Variants in ETS1 observed in about 807,000 individuals in gnomAD.
ETS1 encodes protein C-ets-1.
A neutral mutation model predicts 58.6 loss-of-function variants in ETS1; 15 were observed. The ratio of observed to expected loss-of-function variants is 0.26; its 90% CI spans 0.17 to 0.39. The LOEUF is 0.39. ETS1 is among the 10% of genes least tolerant of loss of function. The probability of loss-of-function intolerance (pLI) is 1.00; values close to 1 mark genes in which losing one functional copy is unlikely to be tolerated. For synonymous variants in ETS1, 214 were observed against 218.2 expected (o/e 0.98, Z 0.17); for missense variants, 417 against 610.5 (o/e 0.68, Z 3.34).
chr11:128,563,991 C>T (rs1370129197), intron 2 of ETS1, among the ~76,000 whole-genome samples: 12 of 152,184 alleles, frequency 7.9e-5, no homozygotes, highest in South Asian at 4.1e-4. Flanking sequence ...CCTCAGAAGA[C>T]GCTTTAGCAC....
At chr11:128,537,491 C>T (rs1185993708) in intron 3 of ETS1, among the ~76,000 whole-genome samples, 2 of 152,074 alleles carry the variant, frequency 1.3e-5, no homozygotes. Flanking sequence ...GGAATTAAAT[C>T]GCAGTTGGGA....
chr11:128,550,450 T>G (rs995133401), intron 3 of ETS1, among the ~76,000 whole-genome samples: 1 of 152,232 alleles, frequency 6.6e-6, no homozygotes, highest in African/African-American at 2.4e-5. Context: ...CAGTATCAGA[T>G]GAGCAAACTG....
chr11:128,488,544 C>G (rs1591609683), intron 5 of ETS1, among the ~76,000 whole-genome samples: 1 of 152,114 alleles, frequency 6.6e-6, no homozygotes, highest in East Asian at 1.9e-4. Flanking sequence ...GGCTTACAGT[C>G]AGCTGAAGGG....
At chr11:128,583,902 A>G (rs1281302245) in intron 1 of ETS1, among the ~76,000 whole-genome samples, 1 of 152,224 alleles carries the variant, frequency 6.6e-6, no homozygotes, top group Non-Finnish European at 1.5e-5. Context: ...GGCAGATCAG[A>G]AACATCCTTC....
intron 2 of ETS1, among the ~76,000 whole-genome samples, chr11:128,567,212 G>C (rs1430038866): frequency 6.6e-6 from 1 of 152,140 alleles, no homozygotes; most frequent in East Asian, 1.9e-4. Flanking sequence ...GACCCCCCAG[G>C]TACCCATGTC....
intron 3 of ETS1, among the ~76,000 whole-genome samples, chr11:128,529,280 T>C (rs977084629): frequency 1.3e-5 from 2 of 152,226 alleles, no homozygotes; most frequent in Non-Finnish European, 2.9e-5. Flanking sequence ...TTTTGAAATA[T>C]ATCTTCTGGC....
chr11:128,585,364 G>GAAGGAAGGAAGGAA, intron 1 of ETS1, among the ~76,000 whole-genome samples: 2 of 149,306 alleles, frequency 1.3e-5, no homozygotes, highest in African/African-American at 2.5e-5. Flanking sequence ...AGGAAGGAAG[G>GAAGGAAGGAAGGAA]GTCCCAGCTC....
intron 3 of ETS1, among the ~76,000 whole-genome samples, chr11:128,541,876 A>T (rs1037251631): frequency 7.9e-5 from 12 of 152,230 alleles, no homozygotes; most frequent in African/African-American, 2.7e-4. Flanking sequence ...ATTCACCAGT[A>T]TCATGGGAAC....
rs2230004 is a variant in ETS1 at position 128,463,608 on chromosome 11, T to C, written c.1143A>G (p.Leu381=). Residue 381 remains leucine (L), a synonymous_variant, in exon 9 of 10, where the codon CTA becomes CTG. Coordinates refer to ENST00000392668, the MANE Select transcript of ETS1 (RefSeq NM_001143820.2). The surrounding 1 kb of genome is among the most constrained non-coding windows in gnomAD (Gnocchi z 4.1). ...TGAGTAATTCCAGAAGAAACTGCCA[T>C]AGCTGGATTGGTCCACTGCCTAGAA... ...AGYTGSGPIQ[L]WQFLLELLTD... is the part of the protein sequence containing the mutation. 0.47 allele frequency: 756,006 copies of C among 1,596,184 alleles called. 181,561 individuals are homozygous for C. Among genetic ancestry groups the C allele is most frequent in the East Asian group, 0.57 (25,530 of 44,746 alleles).
chr11:128,519,806 C>T (rs1181305939), intron 3 of ETS1, among the ~76,000 whole-genome samples: 18 of 152,126 alleles, frequency 1.2e-4, no homozygotes, highest in Non-Finnish European at 1.5e-5. Context: ...TTTCCTGTGA[C>T]TCTATTTTCC....
At chr11:128,535,470 C>G (rs921842863) in intron 3 of ETS1, among the ~76,000 whole-genome samples, 1 of 152,120 alleles carries the variant, frequency 6.6e-6, no homozygotes, top group Non-Finnish European at 1.5e-5. Flanking sequence ...TGTTGAATTG[C>G]TTTTGATGTT....
chr11:128,468,005 T>C (rs1289188513), intron 8 of ETS1, among the ~76,000 whole-genome samples: 2 of 152,294 alleles, frequency 1.3e-5, no homozygotes, highest in Admixed American at 6.5e-5. Flanking sequence ...TACTGCTTTG[T>C]TCTTCTCAGC....
intron 2 of ETS1, among the ~76,000 whole-genome samples, chr11:128,561,120 G>A (rs1025356729): frequency 2.0e-5 from 3 of 152,210 alleles, no homozygotes; most frequent in Middle Eastern, 3.2e-3. Context: ...CTTGGGCAAT[G>A]AGGATGGTAG....
At chr11:128,534,680 G>A (rs1024332201) in intron 3 of ETS1, among the ~76,000 whole-genome samples, 1 of 152,148 alleles carries the variant, frequency 6.6e-6, no homozygotes, top group Non-Finnish European at 1.5e-5. Context: ...GACAGTGTTT[G>A]GTTTTCTGTT....
At chr11:128,558,986 G>A (rs1011356872) in intron 2 of ETS1, among the ~76,000 whole-genome samples, 1 of 152,176 alleles carries the variant, frequency 6.6e-6, no homozygotes, top group African/African-American at 2.4e-5. Flanking sequence ...GGTCTTGAGT[G>A]AGAAAATTTT....
intron 3 of ETS1, among the ~76,000 whole-genome samples, chr11:128,532,644 T>G (rs767680844): frequency 9.3e-5 from 14 of 151,324 alleles, no homozygotes; most frequent in Non-Finnish European, 1.6e-4. Flanking sequence ...CATGGCTGAG[T>G]CCTCTTGCTC....
intron 2 of ETS1, among the ~76,000 whole-genome samples, chr11:128,570,066 T>TA (rs1420749760): frequency 2.6e-5 from 4 of 152,152 alleles, no homozygotes; most frequent in Non-Finnish European, 5.9e-5. Context: ...ATTATGCACT[T>TA]AGAGTTATTT....
intron 8 of ETS1, among the ~76,000 whole-genome samples, chr11:128,472,157 G>A (rs1862203840): frequency 6.6e-6 from 1 of 152,042 alleles, no homozygotes; most frequent in Non-Finnish European, 1.5e-5. Context: ...TCCTACCTAC[G>A]CCTTTAAAGA....
At chr11:128,539,383 A>C (rs1225284078) in intron 3 of ETS1, among the ~76,000 whole-genome samples, 2 of 152,250 alleles carry the variant, frequency 1.3e-5, no homozygotes, top group African/African-American at 4.8e-5. Context: ...AAAACGGGCC[A>C]AGGATTTTAA....
Sources: gnomAD v4.1 joint callset for allele counts (sites outside exome capture counted in the v4.1 genomes callset) on GRCh38, gnomAD v4.1.1 for gene constraint, Gnocchi (gnomAD v3.1) non-coding constraint, MANE v1.5 for transcripts, NCBI Gene and HGNC (gene_info 2026-07-23, HGNC 2026-07-21) for gene names.